RPTOR: variants seen among roughly 807,000 people sequenced by gnomAD.
RPTOR encodes regulatory associated protein of MTOR complex 1.
RPTOR carries 21 observed loss-of-function variants against 169.9 expected under a neutral mutation model. The ratio of observed to expected loss-of-function variants is 0.12; its 90% CI spans 0.09 to 0.18. RPTOR has a LOEUF of 0.18. Ranked by LOEUF, RPTOR falls within the 10% of genes least tolerant of loss-of-function variation. The pLI, the probability that RPTOR is intolerant of heterozygous loss-of-function variation, is 1.00. For synonymous variants in RPTOR, 732 were observed against 753.2 expected, an observed-to-expected ratio of 0.97 and a Z score of 0.46; for missense variants, 1,133 against 1,855.9, an observed-to-expected ratio of 0.61 and a Z score of 7.16.
intron 8 of RPTOR, 99 bp downstream of exon 8, chr17:80,822,400 G>C: frequency 1.7e-6 from 2 of 1,182,982 alleles, no homozygotes; most frequent in Non-Finnish European, 2.5e-6. Flanking sequence ...ATCCGTGAGT[G>C]CCTCCCTAGT....
chr17:80,839,445 G>A (rs2067602888), intron 10 of RPTOR, among the ~76,000 whole-genome samples: 1 of 152,206 alleles, frequency 6.6e-6, no homozygotes, highest in African/African-American at 2.4e-5. Flanking sequence ...GTATTTTCAA[G>A]GGCATTGCAG....
At chr17:80,766,357 T>C (rs1326959225) in intron 6 of RPTOR, among the ~76,000 whole-genome samples, 3 of 152,196 alleles carry the variant, frequency 2.0e-5, no homozygotes, top group East Asian at 3.9e-4. Flanking sequence ...CTGGTCCTTT[T>C]TTAAAAAATA....
chr17:80,948,261 G>A (rs113893878), intron 27 of RPTOR, among the ~76,000 whole-genome samples: 32 of 152,366 alleles, frequency 2.1e-4, no homozygotes, highest in African/African-American at 6.3e-4. Context: ...CTCTCAACGC[G>A]GTTGCGGGCT....
chr17:80,914,237 C>G (rs1230292124), intron 21 of RPTOR, among the ~76,000 whole-genome samples: 3 of 152,246 alleles, frequency 2.0e-5, no homozygotes, highest in Non-Finnish European at 1.5e-5. Context: ...CCGGTGGAAT[C>G]CCACCCCCTT....
At chr17:80,705,869 C>T (rs2066138470) in intron 3 of RPTOR, among the ~76,000 whole-genome samples, 1 of 152,052 alleles carries the variant, frequency 6.6e-6, no homozygotes, top group African/African-American at 2.4e-5. Context: ...GGTGTGCCCT[C>T]CTCAGGGTGT....
rs1196323454 is a variant in RPTOR at position 80,893,832 on chromosome 17, G to A, written c.2368G>A (p.Ala790Thr). The A allele has an allele frequency of 2.6e-6, 4 of 1,534,730 alleles. No homozygotes were observed. The highest frequency in any genetic ancestry group is 1.2e-5 in the South Asian group (1 of 80,200). Residue 790 changes from alanine (A) to threonine (T), a missense_variant, in exon 20 of 34, where the codon GCC (alanine) becomes ACC (threonine). This residue lies in a region of RPTOR where 150 missense variants were observed against 206.4 expected (regional missense o/e 0.73). Coordinates refer to ENST00000306801, the MANE Select transcript of RPTOR (RefSeq NM_020761.3). The stretch of plus-strand genomic sequence containing the variant: ...CGAGACCATCGACAAGATGCGCCGC[G>A]CCAGCTCCTACTCCTCCCTCAACTC... ...SFETIDKMRRASSYSSLNSLI... is the reference protein window; with the variant it reads ...SFETIDKMRRTSSYSSLNSLI...
chr17:80,813,480 C>T lies in RPTOR; in HGVS notation c.891-8721C>T, dbSNP rs150781940. On this transcript the variant is annotated intron_variant, in intron 7 of 33. Transcript: ENST00000306801. ...TTTCAATGCAGCGTTCATTGAGAAG[C>T]TGGATGAACTCATCACGCTTTTGCA... Among the ~76,000 whole-genome samples the T allele has an allele frequency of 1.7e-3, 255 of 152,300 alleles. 1 individual carries two copies. The highest frequency in any genetic ancestry group is 0.012 in the South Asian group (56 of 4,828).
At position 80,708,973 on chromosome 17, in the gene RPTOR, A is replaced by ACTCT. The variant is rs1401882653; in HGVS notation, c.507+976_507+979dup. On this transcript the variant is annotated intron_variant, in intron 4 of 33. Coordinates refer to ENST00000306801, the MANE Select transcript of RPTOR (RefSeq NM_020761.3). The surrounding 1 kb of genome is among the most constrained non-coding windows in gnomAD (Gnocchi z 4.2). Reference sequence around the variant, plus strand: ...CTGACTCCGTTTCTTCACACACTGAACTCTCGGTTCCCGCCTACCGTCCCG... The same window carrying ACTCT: ...CTGACTCCGTTTCTTCACACACTGAACTCTCTCTCGGTTCCCGCCTACCGTCCCG... 1.2e-5 allele frequency: 12 copies of ACTCT among 984,226 alleles called. No homozygotes were observed. In the East Asian group the frequency reaches 1.1e-3, roughly 94 times the overall value. 61.0% of individuals were successfully genotyped at this position (984,226 alleles called of 1,614,324 possible). A position where few individuals can be genotyped will look rare whatever the true frequency, so the allele number is the denominator to read the frequency against.
chr17:80,902,522 T>C (rs2068489266), intron 20 of RPTOR, among the ~76,000 whole-genome samples: 1 of 152,194 alleles, frequency 6.6e-6, no homozygotes, highest in South Asian at 2.1e-4. Context: ...CACAGTCCTA[T>C]AAAGTTGTTT....
chr17:80,816,827 C>T (rs1297539971), intron 7 of RPTOR, among the ~76,000 whole-genome samples: 3 of 152,172 alleles, frequency 2.0e-5, no homozygotes, highest in Non-Finnish European at 2.9e-5. Context: ...TGGGTTTTCC[C>T]CAGGGTAGAC....
intron 7 of RPTOR, among the ~76,000 whole-genome samples, chr17:80,811,108 T>G (rs577247577): frequency 1.3e-5 from 2 of 152,352 alleles, no homozygotes; most frequent in South Asian, 4.1e-4. Context: ...ATGTCTCCAG[T>G]ATAATGTTAA....
chr17:80,625,627 G>T (rs190279905), intron 1 of RPTOR, 64 bp from the exon 2 acceptor site: 1 of 1,296,756 alleles, frequency 7.7e-7, no homozygotes, highest in Admixed American at 1.7e-5. Flanking sequence ...TTTAAAAGCT[G>T]GAAAAACACA....
chr17:80,898,053 G>A (rs991770552), intron 20 of RPTOR, among the ~76,000 whole-genome samples: 2 of 152,198 alleles, frequency 1.3e-5, no homozygotes, highest in African/African-American at 4.8e-5. Flanking sequence ...AGTAGAATTT[G>A]CCCCTGAACT....
chr17:80,931,887 TAGAG>T (rs1399140725), intron 24 of RPTOR, among the ~76,000 whole-genome samples: 1 of 134,772 alleles, frequency 7.4e-6, no homozygotes, highest in Non-Finnish European at 1.5e-5. Context: ...CACAGGAGCA[TAGAG>T]AGAGAAGCCC....
At chr17:80,836,426 CTG>C (rs1199746452) in intron 9 of RPTOR, among the ~76,000 whole-genome samples, 3 of 152,214 alleles carry the variant, frequency 2.0e-5, no homozygotes, top group Admixed American at 6.5e-5. Flanking sequence ...TGCAGGATGT[CTG>C]TAATTCAGCG....
chr17:80,898,818 C>G (rs1171060364), intron 20 of RPTOR, among the ~76,000 whole-genome samples: 2 of 151,582 alleles, frequency 1.3e-5, no homozygotes, highest in Non-Finnish European at 2.9e-5. Context: ...CAGCTTCAAG[C>G]TTTCTTTCTA....
At chr17:80,837,751 G>C (rs1256874592) in intron 9 of RPTOR, among the ~76,000 whole-genome samples, 171 bp from the exon 10 acceptor site, 1 of 152,230 alleles carries the variant, frequency 6.6e-6, no homozygotes, top group Non-Finnish European at 1.5e-5. Flanking sequence ...GTCTTCTGCA[G>C]CCCAAATCTG....
intron 3 of RPTOR, 130 bp downstream of exon 3, chr17:80,643,940 C>T: frequency 1.4e-6 from 1 of 694,534 alleles, no homozygotes; most frequent in Non-Finnish European, 2.4e-6. Flanking sequence ...GGCGCCTGCG[C>T]ACTGCGTTTC....
At chr17:80,939,462 G>A (rs774162040) in intron 24 of RPTOR, among the ~76,000 whole-genome samples, 4 of 152,226 alleles carry the variant, frequency 2.6e-5, no homozygotes, top group South Asian at 2.1e-4. Flanking sequence ...CATGTCTAGC[G>A]TCTGCATATT....
Sources: gnomAD v4.1 joint callset for allele counts (sites outside exome capture counted in the v4.1 genomes callset) on GRCh38, gnomAD v4.1.1 for gene constraint, gnomAD v4.1.1 regional missense constraint, Gnocchi (gnomAD v3.1) non-coding constraint, MANE v1.5 for transcripts, NCBI Gene and HGNC (gene_info 2026-07-23, HGNC 2026-07-21) for gene names.